WWOX: variants seen among roughly 807,000 people sequenced by gnomAD.
The protein encoded by WWOX is WW domain containing oxidoreductase.
WWOX carries 69 observed loss-of-function variants against 46.2 expected under a neutral mutation model. The observed-to-expected ratio is 1.49, with a 90% CI of 1.23 to 1.82. WWOX has a LOEUF of 1.82. Among genes scored for constraint, WWOX ranks in the 40% most tolerant of loss-of-function variants. The pLI is 0.00. For synonymous variants in WWOX, 359 were observed against 202.6 expected, an observed-to-expected ratio of 1.77 and a Z score of -6.56; for missense variants, 919 against 542.6, an observed-to-expected ratio of 1.69 and a Z score of -6.89.
intron 8 of WWOX, among the ~76,000 whole-genome samples, chr16:79,098,807 A>C (rs1212519478): frequency 6.6e-6 from 1 of 152,172 alleles, no homozygotes; most frequent in Non-Finnish European, 1.5e-5. Flanking sequence ...AAAAATGTAC[A>C]TTCTCCTTTT....
intron 8 of WWOX, among the ~76,000 whole-genome samples, chr16:78,485,510 C>G (rs2084611014): frequency 2.0e-5 from 3 of 152,208 alleles, no homozygotes; most frequent in Admixed American, 2.0e-4. Flanking sequence ...GATTTTTCTA[C>G]TGCACCAACT....
At chr16:78,912,545 T>G (rs2045139315) in intron 8 of WWOX, among the ~76,000 whole-genome samples, 1 of 152,020 alleles carries the variant, frequency 6.6e-6, no homozygotes, top group South Asian at 2.1e-4. Flanking sequence ...CTGAGTGCCT[T>G]GTTGGAGACA....
chr16:78,216,257 C>A (rs1046836981), intron 5 of WWOX, among the ~76,000 whole-genome samples: 24 of 152,168 alleles, frequency 1.6e-4, no homozygotes, highest in African/African-American at 5.3e-4. Context: ...TTTATAATCC[C>A]CAGAGCCTGG....
chr16:79,148,585 C>CT (rs1342215090), intron 8 of WWOX, among the ~76,000 whole-genome samples: 1 of 152,146 alleles, frequency 6.6e-6, no homozygotes, highest in Non-Finnish European at 1.5e-5. Context: ...ATATGGTTGT[C>CT]TATGTCTACC....
chr16:78,391,979 C>T (rs376187836), intron 6 of WWOX, among the ~76,000 whole-genome samples: 1 of 149,782 alleles, frequency 6.7e-6, no homozygotes, highest in Non-Finnish European at 1.5e-5. Flanking sequence ...CATTTTTAAT[C>T]TATAGGTTTT....
chr16:78,476,565 C>A, intron 8 of WWOX, among the ~76,000 whole-genome samples: 2 of 152,026 alleles, frequency 1.3e-5, no homozygotes, highest in East Asian at 1.9e-4. Flanking sequence ...TGTAACAAAC[C>A]TGCACGTTGT....
intron 4 of WWOX, among the ~76,000 whole-genome samples, chr16:78,117,831 A>G (rs1278789407): frequency 6.6e-6 from 1 of 151,976 alleles, no homozygotes; most frequent in Non-Finnish European, 1.5e-5. Flanking sequence ...TCCTTTGGCC[A>G]CTCAAGGGAG....
At chr16:78,565,827 C>G (rs1195243058) in intron 8 of WWOX, among the ~76,000 whole-genome samples, 2 of 152,132 alleles carry the variant, frequency 1.3e-5, no homozygotes, top group Non-Finnish European at 2.9e-5. Context: ...TGATGGGAGT[C>G]TTCCTTATGA....
intron 8 of WWOX, among the ~76,000 whole-genome samples, chr16:79,071,167 A>C (rs2048543253): frequency 6.6e-6 from 1 of 152,328 alleles, no homozygotes; most frequent in East Asian, 1.9e-4. Context: ...ATGTATGATC[A>C]CTTTCTTCTG....
intron 8 of WWOX, among the ~76,000 whole-genome samples, chr16:79,024,264 A>G (rs569158936): frequency 6.6e-6 from 1 of 152,190 alleles, no homozygotes; most frequent in South Asian, 2.1e-4. Flanking sequence ...TGTCTTATTT[A>G]TTTATTCTTT....
chr16:78,953,453 A>G (rs960222790), intron 8 of WWOX, among the ~76,000 whole-genome samples: 2 of 146,322 alleles, frequency 1.4e-5, no homozygotes, highest in African/African-American at 5.2e-5. Context: ...TCCCTTTAGG[A>G]CCTCTGCCCC....
chr16:78,588,628 G>T (rs1318796381), intron 8 of WWOX, among the ~76,000 whole-genome samples: 1 of 152,202 alleles, frequency 6.6e-6, no homozygotes, highest in Admixed American at 6.5e-5. Context: ...AGAAAGTGAG[G>T]TCATTGAGTC....
chr16:78,700,288 C>T (rs1389916918), intron 8 of WWOX, among the ~76,000 whole-genome samples: 24 of 146,758 alleles, frequency 1.6e-4, no homozygotes. Context: ...CAGCTGCCTT[C>T]TTGCTGTGTC....
chr16:78,398,111 G>C (rs926521893), intron 6 of WWOX, among the ~76,000 whole-genome samples: 1 of 152,166 alleles, frequency 6.6e-6, no homozygotes, highest in Non-Finnish European at 1.5e-5. Flanking sequence ...AGACCAAGGG[G>C]TCGTTTTGCT....
At chr16:78,885,908 C>T (rs1393735441) in intron 8 of WWOX, among the ~76,000 whole-genome samples, 1 of 149,494 alleles carries the variant, frequency 6.7e-6, no homozygotes, top group Non-Finnish European at 1.5e-5. Context: ...CATCCACGTA[C>T]AGGGATGGGG....
At chr16:78,999,421 G>C (rs1462663297) in intron 8 of WWOX, among the ~76,000 whole-genome samples, 3 of 152,160 alleles carry the variant, frequency 2.0e-5, no homozygotes, top group African/African-American at 7.2e-5. Context: ...GGTGAGCCGA[G>C]ATTGCACCAT....
chr16:78,381,607 T>C (rs1334672335), intron 5 of WWOX, among the ~76,000 whole-genome samples: 1 of 152,240 alleles, frequency 6.6e-6, no homozygotes, highest in East Asian at 1.9e-4. Context: ...ATTTCTGTTT[T>C]GCCTGAGATA....
rs1328315087 is a variant in WWOX at position 78,217,826 on chromosome 16, G to A, written c.516+53537G>A. Among the ~76,000 whole-genome samples, 3 of 152,116 alleles carry A rather than the reference G, an allele frequency of 2.0e-5. 1 individual carries two copies. In the East Asian group the frequency reaches 5.8e-4, roughly 29 times the overall value. On this transcript the variant is annotated intron_variant, in intron 5 of 8. Transcript: ENST00000566780. ...CCGTGGAGACTCATCTTCTGCACAG[G>A]TCAAGTTCTGAAGTCAGCATATAAG... is the stretch of plus-strand genomic sequence containing the variant.
chr16:78,406,324 ATATAT>A (rs2082538073), intron 6 of WWOX, among the ~76,000 whole-genome samples: 1 of 79,890 alleles, frequency 1.3e-5, no homozygotes. Flanking sequence ...ATATATATAT[ATATAT>A]ATATATATAT....
Sources: allele counts gnomAD v4.1 joint callset (sites outside exome capture counted in the v4.1 genomes callset), GRCh38; gene constraint gnomAD v4.1.1; transcripts MANE v1.5; gene names NCBI Gene and HGNC (gene_info 2026-07-23, HGNC 2026-07-21).